ENTPD5: variants seen among roughly 807,000 people sequenced by gnomAD.
The protein encoded by ENTPD5 is nucleoside diphosphate phosphatase ENTPD5.
ENTPD5 carries 49 observed loss-of-function variants against 60.2 expected under a neutral mutation model. That is an observed-to-expected ratio of 0.81 (90% CI 0.65 to 1.03). The LOEUF is 1.03. Among genes scored for constraint, ENTPD5 ranks in the 50% least tolerant of loss-of-function variants. The pLI, the probability that ENTPD5 is intolerant of heterozygous loss-of-function variation, is 0.00. For missense variants in ENTPD5, 480 were observed against 507.6 expected (o/e 0.95, Z 0.52); for synonymous variants, 187 against 185.4 (o/e 1.01, Z -0.07).
chr14:73,959,290 C>G, downstream of ENTPD5: 1 of 1,614,144 alleles, frequency 6.2e-7, no homozygotes. Flanking sequence ...TTTCTCTCAG[C>G]CTTTTTCTGG....
chr14:74,009,223 G>A (rs1392778219), intron 3 of ENTPD5: 1 of 152,182 alleles, frequency 6.6e-6, no homozygotes, highest in Non-Finnish European at 1.5e-5. Context: ...TCATTCAGGA[G>A]GGGGTTCATA....
chr14:73,993,629 C>T (rs1480546787), intron 3 of ENTPD5, among the ~76,000 whole-genome samples: 6 of 152,148 alleles, frequency 3.9e-5, no homozygotes, highest in African/African-American at 1.4e-4. Context: ...CTAAATAACT[C>T]GAAACAGAAA....
downstream of ENTPD5, chr14:73,961,800 C>T (rs1475557756): frequency 1.2e-6 from 2 of 1,614,156 alleles, no homozygotes; most frequent in South Asian, 1.1e-5. Context: ...GCTCTTCTGG[C>T]TGCTACAGAC....
At chr14:73,957,975 G>C, downstream of ENTPD5, 1 of 649,474 alleles carries the variant, frequency 1.5e-6, no homozygotes, top group Non-Finnish European at 2.8e-6. Flanking sequence ...AGTTATCTCT[G>C]TGGCTTCTGT....
chr14:73,967,832 C>T (rs113969048), intron 15 of ENTPD5, among the ~76,000 whole-genome samples: 3,612 of 142,010 alleles, frequency 0.025, 153 homozygotes, highest in African/African-American at 0.09. Context: ...AAAAAAGAAA[C>T]GAACAAAAAA....
chr14:73,972,797 A>C, intron 13 of ENTPD5, 87 bp downstream of exon 13: 2 of 1,479,004 alleles, frequency 1.4e-6, no homozygotes, highest in Non-Finnish European at 1.8e-6. Flanking sequence ...ACCCCGACAA[A>C]GCACCTCAAG....
rs986672970 is a variant in ENTPD5, at chr14:74,008,393, C to CT, written c.-71+2697dup. 4.5e-3 allele frequency among the ~76,000 whole-genome samples: 650 copies of CT among 143,260 alleles called. 1 individual carries two copies. The highest frequency in any genetic ancestry group is 6.5e-3 in the Non-Finnish European group (419 of 64,926). 94.0% of individuals were successfully genotyped at this position (143,260 alleles called of 152,430 possible). On this transcript the variant is annotated intron_variant, in intron 3 of 15. Coordinates refer to ENST00000334696, the MANE Select transcript of ENTPD5 (RefSeq NM_001249.5). ...TTTTATTATTTATTTTTTCTTTTTT[C>CT]TTTTTTTTTTTTTGAGACGGAGTCT...
At chr14:73,967,107 C>G in intron 15 of ENTPD5, 93 bp from the exon 16 acceptor site, 1 of 1,061,314 alleles carries the variant, frequency 9.4e-7, no homozygotes, top group Non-Finnish European at 1.4e-6. Flanking sequence ...AAAGAATATC[C>G]ACATGGGCAA....
intron 12 of ENTPD5, among the ~76,000 whole-genome samples, chr14:73,973,572 T>C (rs768068891): frequency 8.5e-5 from 13 of 152,212 alleles, no homozygotes; most frequent in Admixed American, 1.3e-4. Context: ...CACTATAGCC[T>C]TGAACTCATG....
chr14:73,977,209 T>C (rs946418677), intron 7 of ENTPD5, 90 bp downstream of exon 7: 1 of 1,262,686 alleles, frequency 7.9e-7, no homozygotes, highest in Non-Finnish European at 1.1e-6. Context: ...TCTCATTCCT[T>C]CTGTTTATTC....
chr14:73,970,095 C>A lies in ENTPD5; in HGVS notation c.1115G>T (p.Gly372Val). ...GAGATCCATGCACAGGAAAGGACTG[C>A]CTGAGGTGAAGTTTTCCAAGTTATC... is the stretch of plus-strand genomic sequence containing the variant. ...VCDNLENFTS[G>V]SPFLCMDLSY... The change falls in exon 15 of 16, where the codon GGC becomes GTC. Residue 372 changes from glycine (G) to valine (V), a missense_variant. Physicochemically the swap from Gly to Val is moderately radical, Grantham distance 109. Transcript: ENST00000334696. The A allele has an allele frequency of 6.2e-7, 1 of 1,613,756 alleles. No individual in the cohort carries two copies. The highest frequency in any genetic ancestry group is 8.5e-7 in the Non-Finnish European group (1 of 1,179,774).
At chr14:73,958,763 C>G, downstream of ENTPD5, 1 of 1,471,026 alleles carries the variant, frequency 6.8e-7, no homozygotes, top group Non-Finnish European at 9.0e-7. Context: ...GGCACCTGTT[C>G]AGTCATGTCC....
At chr14:74,006,433 G>A (rs1270932177) in intron 3 of ENTPD5, among the ~76,000 whole-genome samples, 13 of 151,984 alleles carry the variant, frequency 8.6e-5, no homozygotes, top group South Asian at 6.2e-4. Flanking sequence ...ACAGGTGCCC[G>A]CCGCCACGCC....
intron 3 of ENTPD5, among the ~76,000 whole-genome samples, chr14:74,008,147 A>T (rs4899488): frequency 0.39 from 58,569 of 151,016 alleles, 12,093 homozygotes; most frequent in East Asian, 0.84. Flanking sequence ...GAAAAAAAAA[A>T]TTTTTTAACT....
At chr14:73,982,874 A>G (rs1240927154) in intron 6 of ENTPD5, 144 bp downstream of exon 6, 4 of 757,814 alleles carry the variant, frequency 5.3e-6, no homozygotes, top group Non-Finnish European at 6.4e-6. Context: ...ACAACTAGCT[A>G]TAACAAGTGG....
intron 3 of ENTPD5, among the ~76,000 whole-genome samples, chr14:73,991,134 T>A (rs913436259): frequency 1.3e-5 from 2 of 152,216 alleles, no homozygotes; most frequent in African/African-American, 4.8e-5. Flanking sequence ...TCTTTTTTTC[T>A]GGATGGACAT....
At chr14:74,005,190 C>T (rs1335359264) in intron 3 of ENTPD5, among the ~76,000 whole-genome samples, 4 of 144,070 alleles carry the variant, frequency 2.8e-5, no homozygotes, top group Non-Finnish European at 4.5e-5. Flanking sequence ...TGCTTGAACC[C>T]GGGAGATGGA....
chr14:73,982,068 A>G (rs1173751689), intron 6 of ENTPD5, among the ~76,000 whole-genome samples: 3 of 152,104 alleles, frequency 2.0e-5, no homozygotes, highest in African/African-American at 7.2e-5. Flanking sequence ...CCTAAAATAT[A>G]TAATTTTTTG....
chr14:73,979,582 C>T (rs1205985926), intron 6 of ENTPD5, among the ~76,000 whole-genome samples: 1 of 151,878 alleles, frequency 6.6e-6, no homozygotes, highest in Non-Finnish European at 1.5e-5. Context: ...CACCATTCTC[C>T]TGCCTCAGCC....
Sources: allele counts gnomAD v4.1 joint callset (sites outside exome capture counted in the v4.1 genomes callset), GRCh38; gene constraint gnomAD v4.1.1; transcripts MANE v1.5; gene names NCBI Gene and HGNC (gene_info 2026-07-23, HGNC 2026-07-21).